Variants in SAMD3 observed in about 807,000 individuals in gnomAD.
SAMD3 encodes sterile alpha motif domain containing 3, also known as sterile alpha motif domain-containing protein 3.
SAMD3 carries 63 observed loss-of-function variants against 58.5 expected under a neutral mutation model. The ratio of observed to expected loss-of-function variants is 1.08; its 90% confidence interval spans 0.88 to 1.33. The LOEUF (loss-of-function observed/expected upper bound fraction) is 1.33. Ranked by LOEUF, SAMD3 falls within the 40% of genes most tolerant of loss-of-function variation. SAMD3 has a pLI of 0.00. For synonymous variants in SAMD3, 220 were observed against 210.3 expected (o/e 1.05, Z -0.40); for missense variants, 604 against 608.4 (o/e 0.99, Z 0.08).
chr6:130,173,301 GT>G (rs1342985496), intron 8 of SAMD3, among the ~76,000 whole-genome samples: 1 of 152,196 alleles, frequency 6.6e-6, no homozygotes. Context: ...TTTTGCACTG[GT>G]TTTTCCTCAT....
chr6:130,337,107 T>G (rs552622536), intron 1 of SAMD3, among the ~76,000 whole-genome samples: 42 of 152,226 alleles, frequency 2.8e-4, no homozygotes, highest in African/African-American at 9.6e-4. Context: ...CCCACCCAAA[T>G]CTCATCTCAA....
chr6:130,347,975 C>T (rs1009877188), intron 1 of SAMD3, among the ~76,000 whole-genome samples: 4 of 152,180 alleles, frequency 2.6e-5, no homozygotes, highest in Non-Finnish European at 5.9e-5. Flanking sequence ...TCCAGCCAAA[C>T]TAGGCTTCAT....
chr6:130,336,299 G>A (rs555073630), intron 1 of SAMD3, among the ~76,000 whole-genome samples: 14 of 152,216 alleles, frequency 9.2e-5, no homozygotes, highest in African/African-American at 3.4e-4. Context: ...AGGAAAATGA[G>A]GTTCACATTG....
At chr6:130,286,694 A>G (rs376022325) in intron 2 of SAMD3, among the ~76,000 whole-genome samples, 5 of 152,020 alleles carry the variant, frequency 3.3e-5, no homozygotes, top group Middle Eastern at 6.8e-3. Context: ...AAATTAATTT[A>G]TCCCTAGAGA....
intron 2 of SAMD3, among the ~76,000 whole-genome samples, chr6:130,269,669 CT>C (rs574453546): frequency 4.6e-4 from 69 of 151,634 alleles, no homozygotes; most frequent in Admixed American, 2.6e-4. Context: ...AGAAACAGCA[CT>C]TTTTTTCATT....
At chr6:130,313,359 C>A (rs867293887) in intron 1 of SAMD3, among the ~76,000 whole-genome samples, 13 of 152,108 alleles carry the variant, frequency 8.5e-5, no homozygotes, top group Non-Finnish European at 1.8e-4. Context: ...ATGGCTACCC[C>A]CAACAGCCCC....
chr6:130,184,592 T>A lies in SAMD3; in HGVS notation c.415A>T (p.Lys139Ter). 1.2e-6 allele frequency: 2 copies of A among 1,607,846 alleles called. No homozygotes were observed. Among genetic ancestry groups the A allele is most frequent in the Non-Finnish European group, 1.7e-6 (2 of 1,177,548 alleles). Residue 139 changes from lysine (K) to a stop codon, truncating the protein, a stop_gained, in exon 6 of 12, where the codon AAA becomes TAA. Coordinates refer to ENST00000439090, the MANE Select transcript of SAMD3 (RefSeq NM_001017373.4). LOFTEE classifies it high-confidence loss of function. ...TAGGACTTCGTCCACTGTAATGCTT[T>A]GCTTCTTGCTAGAATTTGTTTCACA... ...RNVKQILARS[K>*]ALQWTKSYVL...
At position 130,154,966 on chromosome 6, in the gene SAMD3, T is replaced by C; in HGVS notation, c.882A>G (p.Glu294=). 2 of 1,613,552 alleles carry C rather than the reference T, an allele frequency of 1.2e-6. No individual in the cohort carries two copies. The highest frequency in any genetic ancestry group is 2.2e-5 in the East Asian group (1 of 44,780). Residue 294 remains glutamate, a synonymous_variant, in exon 9 of 12, where the codon GAA becomes GAG. Transcript: ENST00000439090. ...LDEHIKWFQQ[E]YVKTEKDWRE... is the part of the protein sequence containing the mutation. ...TCCAGTCCTTTTCTGTTTTCACGTA[T>C]TCTTGCTGGAACCACTTAATATGTT...
chr6:130,224,609 TATTATTATTATTATTA>T (rs1395678882), upstream of SAMD3, among the ~76,000 whole-genome samples: 1 of 142,902 alleles, frequency 7.0e-6, no homozygotes, highest in African/African-American at 2.8e-5. Flanking sequence ...TTATTATTAT[TATTATTATTATTATTA>T]TTATTATTTT....
intron 2 of SAMD3, among the ~76,000 whole-genome samples, chr6:130,287,417 T>A (rs969302808): frequency 1.3e-5 from 2 of 152,034 alleles, no homozygotes; most frequent in African/African-American, 4.8e-5. Context: ...AATACTTGAA[T>A]GGGAGGAACA....
At chr6:130,285,532 A>G (rs547486644) in intron 2 of SAMD3, among the ~76,000 whole-genome samples, 1 of 152,324 alleles carries the variant, frequency 6.6e-6, no homozygotes, top group South Asian at 2.1e-4. Context: ...TGGAAGCATG[A>G]GGGTGCACGG....
intron 1 of SAMD3, among the ~76,000 whole-genome samples, chr6:130,328,241 A>G (rs1170158273): frequency 6.6e-6 from 1 of 152,108 alleles, no homozygotes; most frequent in African/African-American, 2.4e-5. Flanking sequence ...GATTCATATT[A>G]CAGGACCTGC....
At chr6:130,229,357 A>T (rs1221601464) in intron 2 of SAMD3, among the ~76,000 whole-genome samples, 1 of 152,210 alleles carries the variant, frequency 6.6e-6, no homozygotes, top group Non-Finnish European at 1.5e-5. Flanking sequence ...AGACTTCATG[A>T]CACAGCCCTA....
chr6:130,365,110 C>T, intron 1 of SAMD3: 3 of 920,330 alleles, frequency 3.3e-6, no homozygotes, highest in Non-Finnish European at 3.9e-6. Context: ...TTACATGAAA[C>T]TTTACTTACG....
chr6:130,281,520 A>C (rs924355415), intron 2 of SAMD3, among the ~76,000 whole-genome samples: 3 of 151,304 alleles, frequency 2.0e-5, no homozygotes, highest in African/African-American at 4.9e-5. Context: ...TCATTTTTCC[A>C]CTCTCTCTAT....
At chr6:130,311,009 G>A (rs1294828443) in intron 2 of SAMD3, among the ~76,000 whole-genome samples, 2 of 152,116 alleles carry the variant, frequency 1.3e-5, no homozygotes, top group African/African-American at 4.8e-5. Flanking sequence ...CTGGCGAGGT[G>A]TACCTTGGAT....
At chr6:130,145,949 C>A in intron 10 of SAMD3, 61 bp downstream of exon 10, 1 of 1,096,170 alleles carries the variant, frequency 9.1e-7, no homozygotes, top group Non-Finnish European at 1.2e-6. Flanking sequence ...CAAAGCATAA[C>A]TTTTCTAGAT....
chr6:130,169,816 C>T (rs907980447), intron 8 of SAMD3, among the ~76,000 whole-genome samples: 7 of 152,174 alleles, frequency 4.6e-5, no homozygotes, highest in African/African-American at 1.7e-4. Context: ...GGTGTGACCT[C>T]TTATCCCGCG....
chr6:130,165,596 G>A (rs1288722076), intron 8 of SAMD3, among the ~76,000 whole-genome samples: 1 of 152,086 alleles, frequency 6.6e-6, no homozygotes, highest in Non-Finnish European at 1.5e-5. Flanking sequence ...AATGTAAAGA[G>A]CTAGACACCT....
Sources: allele counts gnomAD v4.1 joint callset (sites outside exome capture counted in the v4.1 genomes callset), GRCh38; gene constraint gnomAD v4.1.1; transcripts MANE v1.5; gene names NCBI Gene and HGNC (gene_info 2026-07-23, HGNC 2026-07-21).